ZNF93: variants seen among roughly 807,000 people sequenced by gnomAD.
ZNF93 encodes zinc finger protein 93, also known as zinc finger protein 505.
In ZNF93, 29 loss-of-function variants were observed where a neutral mutation model predicts 45.0. The observed-to-expected ratio is 0.64, with a 90% CI of 0.48 to 0.88. The LOEUF is 0.88. ZNF93 is among the 40% of genes least tolerant of loss of function. The pLI is 0.00. For synonymous variants in ZNF93, 223 were observed against 244.6 expected (o/e 0.91, Z 0.82); for missense variants, 578 against 724.0 (o/e 0.80, Z 2.31).
chr19:19,933,952 A>G lies in ZNF93; in HGVS notation c.997A>G (p.Arg333Gly). 2 of 1,612,666 alleles carry G rather than the reference A, an allele frequency of 1.2e-6. No homozygotes were observed. The highest frequency in any genetic ancestry group is 1.7e-6 in the Non-Finnish European group (2 of 1,179,434). Reference sequence around the variant, plus strand: ...CTCCCGTATCCTTACTACACATAAGAGAATTCATACTGGAGAGAAACCATA... The same window carrying G: ...CTCCCGTATCCTTACTACACATAAGGGAATTCATACTGGAGAGAAACCATA... ...KYSRILTTHK[R>G]IHTGEKPYKC... The change falls in exon 4 of 4, where the codon AGA (arginine) becomes GGA (glycine). Residue 333 changes from arginine (R) to glycine (G), a missense_variant. By Grantham distance (125) the Arg-to-Gly change is moderately radical. This residue lies in a region of ZNF93 where 446 missense variants were observed against 547.6 expected (regional missense o/e 0.81). Coordinates refer to ENST00000343769, the MANE Select transcript of ZNF93 (RefSeq NM_031218.4).
In ZNF93 at chr19:19,933,788, T is replaced by G. The variant is rs1207660160; in HGVS notation, c.833T>G (p.Ile278Ser). 1.2e-6 allele frequency: 2 copies of G among 1,612,640 alleles called. No individual in the cohort carries two copies. Among genetic ancestry groups the G allele is most frequent in the African/African-American group, 2.7e-5 (2 of 74,828 alleles). The stretch of plus-strand genomic sequence containing the variant: ...TCGACACTTACTAAACATAAGAAAA[T>G]TCATACTGGAGAGAAACCCTACAAA... ...QSSTLTKHKK[I>S]HTGEKPYKCE... Residue 278 changes from isoleucine (I) to serine (S), a missense_variant, in exon 4 of 4, where the codon ATT becomes AGT. Ile to Ser is a moderately radical substitution (Grantham distance 142, BLOSUM62 -2). Transcript: ENST00000343769.
intron 1 of ZNF93, among the ~76,000 whole-genome samples, chr19:19,915,065 A>G (rs2063319401): frequency 6.6e-6 from 1 of 152,240 alleles, no homozygotes; most frequent in Non-Finnish European, 1.5e-5. Flanking sequence ...CTAGAAAAAT[A>G]TCATATATGA....
chr19:19,933,895 G>T lies in ZNF93; in HGVS notation c.940G>T (p.Val314Phe), dbSNP rs200562631. The change falls in exon 4 of 4, where the codon GTT (valine) becomes TTT (phenylalanine). Residue 314 changes from valine to phenylalanine, a missense_variant. Val to Phe is a conservative substitution (Grantham distance 50, BLOSUM62 -1). Coordinates refer to ENST00000343769, the MANE Select transcript of ZNF93 (RefSeq NM_031218.4). ...KKIHTGEKPY[V>F]CEECGKAFKY... ...AATTCATACTGGAGAGAAGCCCTACGTTTGTGAAGAATGTGGCAAAGCCTT... is the reference window on the plus strand; with the variant it reads ...AATTCATACTGGAGAGAAGCCCTACTTTTGTGAAGAATGTGGCAAAGCCTT... 4 of 1,578,300 alleles carry T rather than the reference G, an allele frequency of 2.5e-6. No homozygotes were observed. Among genetic ancestry groups the T allele is most frequent in the Non-Finnish European group, 2.6e-6 (3 of 1,163,970 alleles).
rs559134759 is a variant in ZNF93, at chr19:19,928,002, C to T, written c.227-5180C>T. ...ACCTCAGGTATCTGCCAACCTCACC[C>T]TCCCCAGTTGCTAGGATTACAGGCT... On this transcript the variant is annotated intron_variant, in intron 3 of 3. Transcript: ENST00000343769. 3.9e-5 allele frequency among the ~76,000 whole-genome samples: 6 copies of T among 152,336 alleles called. No individual in the cohort carries two copies. The East Asian group carries it at 7.7e-4, about 20-fold the overall frequency.
In ZNF93 at chr19:19,933,658, G is replaced by T; in HGVS notation, c.703G>T (p.Asp235Tyr). ...GAAACCATACAAGTGTGATAAATGT[G>T]ACAAAGCCTTTATTGCATCCTCAAC... ...GEKPYKCDKCDKAFIASSTLS... is the reference protein window; with the variant it reads ...GEKPYKCDKCYKAFIASSTLS... The change falls in exon 4 of 4, where the codon GAC (aspartate) becomes TAC (tyrosine). Residue 235 changes from aspartate to tyrosine, a missense_variant. By Grantham distance (160) the Asp-to-Tyr change is radical. This residue lies in a region of ZNF93 where 446 missense variants were observed against 547.6 expected (regional missense o/e 0.81). Transcript: ENST00000343769. 1 of 1,612,278 alleles carries T rather than the reference G, an allele frequency of 6.2e-7. No homozygotes were observed. Among genetic ancestry groups the T allele is most frequent in the Middle Eastern group, 1.7e-4 (1 of 6,044 alleles).
chr19:19,907,078 CAT>C (rs1336149671), intron 1 of ZNF93, among the ~76,000 whole-genome samples: 1 of 151,736 alleles, frequency 6.6e-6, no homozygotes, highest in Non-Finnish European at 1.5e-5. Flanking sequence ...CTTTTTAAAA[CAT>C]ATATGTAAAT....
At chr19:19,914,677 C>CT (rs1200244320) in intron 1 of ZNF93, 260 of 232,352 alleles carry the variant, frequency 1.1e-3, no homozygotes, top group Middle Eastern at 3.5e-3. Context: ...GTCCTTTTTT[C>CT]TTTTTTTTTC....
chr19:19,921,160 T>C (rs954578231), intron 3 of ZNF93, among the ~76,000 whole-genome samples: 1 of 152,248 alleles, frequency 6.6e-6, no homozygotes, highest in African/African-American at 2.4e-5. Flanking sequence ...CTCATTGGTT[T>C]CAAAGAACAT....
At chr19:19,908,717 C>T (rs548697253) in intron 1 of ZNF93, among the ~76,000 whole-genome samples, 17 of 151,782 alleles carry the variant, frequency 1.1e-4, no homozygotes, top group Non-Finnish European at 2.4e-4. Flanking sequence ...GTGGCACATG[C>T]CTGTAATCCC....
At chr19:19,923,880 C>T (rs1348396001) in intron 3 of ZNF93, among the ~76,000 whole-genome samples, 2 of 152,284 alleles carry the variant, frequency 1.3e-5, no homozygotes, top group Admixed American at 6.5e-5. Flanking sequence ...GAGGTGATGC[C>T]TCGCCCTGCT....
Position 19,933,735 on chromosome 19 carries a change from A to G in ZNF93, c.780A>G (p.Glu260=). 1 of 1,613,530 alleles carries G rather than the reference A, an allele frequency of 6.2e-7. No individual in the cohort carries two copies. The highest frequency in any genetic ancestry group is 8.5e-7 in the Non-Finnish European group (1 of 1,179,714). The change falls in exon 4 of 4, where the codon GAA becomes GAG. Residue 260 remains glutamate, a synonymous_variant. Coordinates refer to ENST00000343769, the MANE Select transcript of ZNF93 (RefSeq NM_031218.4). ...CTGGAAAGAAACCCTACAAGTGTGA[A>G]GAATGTGGCAAAGCTTTTAACCAAT... The part of the protein sequence containing the change: ...IHTGKKPYKC[E]ECGKAFNQSS...
At chr19:19,932,746 GT>G (rs142101182) in intron 3 of ZNF93, 13,480 of 152,658 alleles carry the variant, frequency 0.088, 1,480 homozygotes, top group African/African-American at 0.26. Flanking sequence ...TTTTTGATGT[GT>G]TTTGAAATCA....
intron 3 of ZNF93, among the ~76,000 whole-genome samples, chr19:19,925,239 A>G (rs1228362566): frequency 6.6e-6 from 1 of 152,204 alleles, no homozygotes; most frequent in African/African-American, 2.4e-5. Context: ...CAGCTTTAAC[A>G]GCATTTCACA....
chr19:19,915,112 C>T (rs2122173838), intron 1 of ZNF93, among the ~76,000 whole-genome samples, 168 bp from the exon 2 acceptor site: 1 of 152,066 alleles, frequency 6.6e-6, no homozygotes, highest in South Asian at 2.1e-4. Context: ...CTTTTTTTCT[C>T]AGATAATACA....
At chr19:19,914,167 TG>T (rs754688444) in intron 1 of ZNF93, among the ~76,000 whole-genome samples, 1 of 152,160 alleles carries the variant, frequency 6.6e-6, no homozygotes, top group South Asian at 2.1e-4. Context: ...AGATTCCTAT[TG>T]GGGAAAACTG....
intron 1 of ZNF93, among the ~76,000 whole-genome samples, chr19:19,903,799 G>C (rs2063284093): frequency 6.6e-6 from 1 of 151,552 alleles, no homozygotes; most frequent in East Asian, 1.9e-4. Flanking sequence ...GGCCAGGCGC[G>C]GTGGCTCACA....
chr19:19,906,240 C>T (rs1326347272), intron 1 of ZNF93, among the ~76,000 whole-genome samples: 4 of 151,974 alleles, frequency 2.6e-5, no homozygotes, highest in East Asian at 1.9e-4. Context: ...GACTGGTGTG[C>T]GGTGGTATCT....
chr19:19,915,476 T>A (rs2063321167), intron 2 of ZNF93, 70 bp downstream of exon 2: 2 of 1,530,928 alleles, frequency 1.3e-6, no homozygotes, highest in Non-Finnish European at 1.8e-6. Flanking sequence ...TGTAGAATGT[T>A]TTTTAGTAAT....
At chr19:19,917,998 C>T (rs920800432) in intron 3 of ZNF93, among the ~76,000 whole-genome samples, 1 of 145,014 alleles carries the variant, frequency 6.9e-6, no homozygotes, top group East Asian at 2.1e-4. Context: ...ATGTGCACAT[C>T]GTGCAGGTTT....
Sources: gnomAD v4.1 joint callset for allele counts (sites outside exome capture counted in the v4.1 genomes callset) on GRCh38, gnomAD v4.1.1 for gene constraint, gnomAD v4.1.1 regional missense constraint, MANE v1.5 for transcripts, NCBI Gene and HGNC (gene_info 2026-07-23, HGNC 2026-07-21) for gene names.